Variants in SCN2A observed in about 807,000 individuals in gnomAD.
SCN2A encodes the protein sodium voltage-gated channel alpha subunit 2.
Under a neutral mutation model 188.7 loss-of-function variants are expected in SCN2A, and 20 were observed. That is an observed-to-expected ratio of 0.11 (90% CI 0.07 to 0.15). SCN2A has a LOEUF of 0.15. SCN2A is among the 10% of genes least tolerant of loss of function. The probability of loss-of-function intolerance (pLI) is 1.00; values close to 1 mark genes in which losing one functional copy is unlikely to be tolerated. For synonymous variants in SCN2A, 804 were observed against 833.1 expected (o/e 0.97, Z 0.60); for missense variants, 1,278 against 2,445.0 (o/e 0.52, Z 10.07).
chr2:165,386,578 C>G (rs1574746015), intron 25 of SCN2A, among the ~76,000 whole-genome samples, 168 bp from the exon 26 acceptor site: 1 of 152,136 alleles, frequency 6.6e-6, no homozygotes, highest in East Asian at 1.9e-4. Flanking sequence ...TACCTCAGCT[C>G]TCCAATCACT....
Position 165,322,285 on chromosome 2 carries a change from C to T in SCN2A, c.1672-871C>T, listed in dbSNP as rs576192783. Among the ~76,000 whole-genome samples the T allele has an allele frequency of 2.8e-4, 42 of 152,286 alleles. 1 individual carries two copies. In the South Asian group the frequency reaches 5.6e-3, roughly 20 times the overall value. ...ATCTTTAAATTACGTATCGAATACA[C>T]TGATTGGCTAGGCCTAGGACAGTGC... is the stretch of plus-strand genomic sequence containing the variant. On this transcript the variant is annotated intron_variant, in intron 11 of 26. Coordinates refer to ENST00000375437, the MANE Select transcript of SCN2A (RefSeq NM_001040142.2).
chr2:165,328,433 C>T (rs768414353), intron 13 of SCN2A: 20 of 972,504 alleles, frequency 2.1e-5, no homozygotes, highest in East Asian at 1.1e-4. Flanking sequence ...TCTGGCCTTC[C>T]GCTCCTTGCC....
Position 165,389,709 on chromosome 2 carries a change from C to T in SCN2A, c.5903C>T (p.Ser1968Phe). 1 of 1,613,922 alleles carries T rather than the reference C, an allele frequency of 6.2e-7. No homozygotes were observed. Among genetic ancestry groups the T allele is most frequent in the Non-Finnish European group, 8.5e-7 (1 of 1,179,968 alleles). The stretch of plus-strand genomic sequence containing the variant: ...CCAGAGAAAACCGATATGACGCCTT[C>T]CACCACGTCTCCACCCTCGTATGAT... ...STPEKTDMTP[S>F]TTSPPSYDSV... The change falls in exon 27 of 27, where the codon TCC becomes TTC. Residue 1968 changes from serine (S) to phenylalanine (F), a missense_variant. Coordinates refer to ENST00000375437, the MANE Select transcript of SCN2A (RefSeq NM_001040142.2). The surrounding 1 kb of genome is among the most constrained non-coding windows in gnomAD (Gnocchi z 4.2).
At chr2:165,335,308 A>G (rs1002138358) in intron 14 of SCN2A, among the ~76,000 whole-genome samples, 3 of 151,780 alleles carry the variant, frequency 2.0e-5, no homozygotes, top group African/African-American at 7.2e-5. Context: ...AATCTTAACT[A>G]GAAAAAAAAT....
At chr2:165,332,034 C>G (rs1698712064) in intron 14 of SCN2A, among the ~76,000 whole-genome samples, 1 of 151,682 alleles carries the variant, frequency 6.6e-6, no homozygotes. Context: ...CTTCTACAGT[C>G]TTAGCAATAT....
intron 1 of SCN2A, among the ~76,000 whole-genome samples, chr2:165,260,970 C>CAAAAAAAA (rs760304392): frequency 1.1e-5 from 1 of 90,386 alleles, no homozygotes; most frequent in African/African-American, 4.5e-5. Flanking sequence ...AACTCCGTCT[C>CAAAAAAAA]AAAAAAAAAA....
intron 19 of SCN2A, among the ~76,000 whole-genome samples, chr2:165,368,240 A>T (rs1300997572): frequency 6.6e-6 from 1 of 152,090 alleles, no homozygotes; most frequent in African/African-American, 2.4e-5. Flanking sequence ...TGTCCCTCTG[A>T]TGTCAAGCTA....
At chr2:165,245,814 C>G (rs1693818911) in intron 1 of SCN2A, among the ~76,000 whole-genome samples, 1 of 152,220 alleles carries the variant, frequency 6.6e-6, no homozygotes, top group African/African-American at 2.4e-5. Flanking sequence ...TACATTTAAT[C>G]AGTCTATTCA....
At chr2:165,309,718 C>T (rs1182590207) in intron 6 of SCN2A, among the ~76,000 whole-genome samples, 1 of 152,116 alleles carries the variant, frequency 6.6e-6, no homozygotes, top group Non-Finnish European at 1.5e-5. Context: ...ATCAAGCTTT[C>T]CGCATAGAAG....
chr2:165,336,736 T>A (rs1699018126), intron 14 of SCN2A, among the ~76,000 whole-genome samples: 1 of 152,148 alleles, frequency 6.6e-6, no homozygotes, highest in Middle Eastern at 3.4e-3. Flanking sequence ...TATGCATGTA[T>A]CACTATTTTT....
rs558753617 is a variant in SCN2A at position 165,268,513 on chromosome 2, A to T, written c.-51-27260A>T. 3 of 152,040 alleles carry T rather than the reference A, an allele frequency of 2.0e-5. No individual in the cohort carries two copies. The South Asian group carries it at 6.2e-4, about 31-fold the overall frequency. The allele number at this position is 152,040 out of a possible 1,614,324, so 9.4% of individuals were successfully genotyped here. On this transcript the variant is annotated intron_variant, in intron 1 of 26. Coordinates refer to ENST00000375437, the MANE Select transcript of SCN2A (RefSeq NM_001040142.2). ...TTTATGGTAAAAAATCCTCAACAAA[A>T]TTGGCATAGGAGAAACATACCTCAA...
intron 16 of SCN2A, 132 bp from the exon 17 acceptor site, chr2:165,354,060 G>T (rs932579927): frequency 9.4e-7 from 1 of 1,068,772 alleles, no homozygotes; most frequent in Non-Finnish European, 1.4e-6. Flanking sequence ...TTTCAGAATA[G>T]TGTATCATGA....
chr2:165,285,627 G>A (rs1175530263), intron 1 of SCN2A: 5 of 250,828 alleles, frequency 2.0e-5, no homozygotes, highest in Admixed American at 1.2e-4. Flanking sequence ...TGTGGCTGCC[G>A]GACAAGGTCA....
chr2:165,341,974 T>C (rs1046815926), intron 14 of SCN2A, among the ~76,000 whole-genome samples: 6 of 152,038 alleles, frequency 3.9e-5, no homozygotes, highest in South Asian at 2.1e-4. Context: ...AGGTAATCAT[T>C]TGGTAAGTTT....
chr2:165,365,058 A>AT (rs1700650176), intron 17 of SCN2A, 85 bp from the exon 18 acceptor site: 2 of 1,168,248 alleles, frequency 1.7e-6, no homozygotes, highest in Admixed American at 2.3e-5. Flanking sequence ...CATACAGAAG[A>AT]TGGGGGGGGG....
chr2:165,370,976 A>G (rs983527054), intron 20 of SCN2A: 1 of 152,732 alleles, frequency 6.5e-6, no homozygotes, highest in Admixed American at 6.5e-5. Context: ...GAAGACAATA[A>G]ATAATATTTA....
intron 1 of SCN2A, among the ~76,000 whole-genome samples, chr2:165,278,328 T>A (rs927821611): frequency 9.2e-5 from 14 of 152,164 alleles, no homozygotes; most frequent in African/African-American, 2.7e-4. Flanking sequence ...ATTCTAAGTT[T>A]GGCATGACTG....
chr2:165,356,686 G>A (rs923589808), intron 17 of SCN2A, among the ~76,000 whole-genome samples: 8 of 152,134 alleles, frequency 5.3e-5, no homozygotes, highest in Admixed American at 2.0e-4. Flanking sequence ...TATCTTTTGA[G>A]GAATGTTTAA....
intron 1 of SCN2A, among the ~76,000 whole-genome samples, chr2:165,242,199 A>G (rs1186373712): frequency 6.6e-6 from 1 of 152,202 alleles, no homozygotes; most frequent in African/African-American, 2.4e-5. Context: ...GGCTGAATGT[A>G]TAGATCTGCA....
Sources: gnomAD v4.1 joint callset for allele counts (sites outside exome capture counted in the v4.1 genomes callset) on GRCh38, gnomAD v4.1.1 for gene constraint, Gnocchi (gnomAD v3.1) non-coding constraint, MANE v1.5 for transcripts, NCBI Gene and HGNC (gene_info 2026-07-23, HGNC 2026-07-21) for gene names.